Variants in KCNIP4 observed in about 807,000 individuals in gnomAD.
The protein encoded by KCNIP4 is potassium voltage-gated channel interacting protein 4, also known as Kv channel-interacting protein 4.
Under a neutral mutation model 34.0 loss-of-function variants are expected in KCNIP4, and 12 were observed. That is an observed-to-expected ratio of 0.35 (90% CI 0.23 to 0.57). KCNIP4 has a LOEUF of 0.57. Among genes scored for constraint, KCNIP4 ranks in the 20% least tolerant of loss-of-function variants. The pLI is 0.83. For missense variants in KCNIP4, 238 were observed against 311.7 expected (o/e 0.76, Z 1.78); for synonymous variants, 124 against 102.2 (o/e 1.21, Z -1.29).
At chr4:21,061,810 T>C (rs573203455) in intron 1 of KCNIP4, among the ~76,000 whole-genome samples, 1 of 152,216 alleles carries the variant, frequency 6.6e-6, no homozygotes, top group East Asian at 1.9e-4. Context: ...CTTTTAAAAA[T>C]GTAATTAAGT....
At chr4:21,208,504 T>C (rs780136336) in intron 1 of KCNIP4, among the ~76,000 whole-genome samples, 14 of 152,208 alleles carry the variant, frequency 9.2e-5, no homozygotes, top group Non-Finnish European at 1.9e-4. Flanking sequence ...TCTTCTAACA[T>C]GCTTCAACCA....
chr4:21,760,797 C>T (rs1311599358), intron 1 of KCNIP4, among the ~76,000 whole-genome samples: 1 of 152,130 alleles, frequency 6.6e-6, no homozygotes. Context: ...ACAGAATGGT[C>T]ATGGATGCCA....
At chr4:21,498,605 T>G (rs193096502) in intron 1 of KCNIP4, among the ~76,000 whole-genome samples, 1 of 152,308 alleles carries the variant, frequency 6.6e-6, no homozygotes, top group Admixed American at 6.5e-5. Context: ...CCAGCTCAGC[T>G]GGGGGAAAAT....
chr4:21,862,258 A>G (rs73256595), intron 1 of KCNIP4, among the ~76,000 whole-genome samples: 54,537 of 152,062 alleles, frequency 0.36, 11,462 homozygotes, highest in Non-Finnish European at 0.49. Flanking sequence ...CTTAGTGTCC[A>G]TCCATAGGCA....
At chr4:21,093,709 A>G (rs1295516446) in intron 1 of KCNIP4, among the ~76,000 whole-genome samples, 1 of 152,184 alleles carries the variant, frequency 6.6e-6, no homozygotes, top group Non-Finnish European at 1.5e-5. Flanking sequence ...AAAAATAACC[A>G]TTAGCTATAA....
chr4:20,918,970 G>A (rs1394083846), intron 1 of KCNIP4, among the ~76,000 whole-genome samples: 2 of 152,238 alleles, frequency 1.3e-5, no homozygotes, highest in Admixed American at 1.3e-4. Flanking sequence ...ATACCAAAGG[G>A]GCCTTTAGGC....
At chr4:21,009,355 C>G (rs962921746) in intron 1 of KCNIP4, among the ~76,000 whole-genome samples, 1 of 152,214 alleles carries the variant, frequency 6.6e-6, no homozygotes, top group African/African-American at 2.4e-5. Flanking sequence ...ACCCTGGGTT[C>G]AGAGCCTCCA....
intron 5 of KCNIP4, among the ~76,000 whole-genome samples, chr4:20,745,055 G>A (rs985760504): frequency 4.6e-5 from 7 of 152,066 alleles, no homozygotes; most frequent in African/African-American, 1.7e-4. Context: ...TGCTAGGAAT[G>A]GTAGGACAGA....
At position 21,580,213 on chromosome 4, in the gene KCNIP4, C is replaced by T. The variant is rs184092606; in HGVS notation, c.61+368358G>A. 2.6e-4 allele frequency among the ~76,000 whole-genome samples: 39 copies of T among 152,154 alleles called. 1 individual carries two copies. Among genetic ancestry groups the T allele is most frequent in the Admixed American group, 1.9e-3 (29 of 15,278 alleles). ...GGAATGAATCTTTACTGAGCCATGA[C>T]CTTGAGCCAGAGACTCTTTTAGGCC... On this transcript the variant is annotated intron_variant, in intron 1 of 8. Coordinates refer to ENST00000382152, the MANE Select transcript of KCNIP4 (RefSeq NM_025221.6).
chr4:20,939,782 C>A (rs185079531), intron 1 of KCNIP4, among the ~76,000 whole-genome samples: 5 of 152,234 alleles, frequency 3.3e-5, no homozygotes, highest in African/African-American at 1.2e-4. Flanking sequence ...TTGGACCATC[C>A]GCAACCAGGC....
At chr4:21,516,588 T>A (rs1338935471) in intron 1 of KCNIP4, among the ~76,000 whole-genome samples, 1 of 152,120 alleles carries the variant, frequency 6.6e-6, no homozygotes, top group Non-Finnish European at 1.5e-5. Context: ...ATCAGTTTCT[T>A]CTCCTGTAGA....
chr4:20,812,842 T>C (rs968540674), intron 3 of KCNIP4, among the ~76,000 whole-genome samples: 1 of 151,984 alleles, frequency 6.6e-6, no homozygotes, highest in African/African-American at 2.4e-5. Flanking sequence ...ATACTAAGGA[T>C]AGGGGAGGAG....
intron 1 of KCNIP4, among the ~76,000 whole-genome samples, chr4:20,995,588 G>T (rs376747033): frequency 1.3e-5 from 2 of 152,098 alleles, no homozygotes; most frequent in Non-Finnish European, 2.9e-5. Flanking sequence ...TTGCCTCTCT[G>T]GTTTCAAAGA....
At chr4:21,235,493 A>G (rs1759291466) in intron 1 of KCNIP4, among the ~76,000 whole-genome samples, 1 of 152,122 alleles carries the variant, frequency 6.6e-6, no homozygotes, top group Non-Finnish European at 1.5e-5. Context: ...TTCTCCCCAG[A>G]TATCCATGAC....
rs1171975546 is a variant in KCNIP4, at chr4:21,757,656, A to C, written c.61+190915T>G. 5.9e-5 allele frequency among the ~76,000 whole-genome samples: 9 copies of C among 152,352 alleles called. 1 individual carries two copies. The East Asian group carries it at 1.7e-3, about 29-fold the overall frequency. ...TATTCTGGCTTTACCAATTTCTAGC[A>C]ACAAAAATATCATTTATTTGAACTT... is the stretch of plus-strand genomic sequence containing the variant. On this transcript the variant is annotated intron_variant, in intron 1 of 8. Coordinates refer to ENST00000382152, the MANE Select transcript of KCNIP4 (RefSeq NM_025221.6).
intron 1 of KCNIP4, among the ~76,000 whole-genome samples, chr4:21,525,137 C>A (rs1439813238): frequency 6.6e-6 from 1 of 152,038 alleles, no homozygotes; most frequent in Non-Finnish European, 1.5e-5. Context: ...GCAATTTAAC[C>A]AAAAATATCT....
chr4:21,043,330 CTGTT>C (rs769783761), intron 1 of KCNIP4, among the ~76,000 whole-genome samples: 48 of 151,894 alleles, frequency 3.2e-4, no homozygotes, highest in Non-Finnish European at 5.0e-4. Context: ...TTTGTTTTTT[CTGTT>C]TGTTTGTTTG....
At chr4:21,588,512 G>A (rs910696251) in intron 1 of KCNIP4, among the ~76,000 whole-genome samples, 1 of 152,068 alleles carries the variant, frequency 6.6e-6, no homozygotes, top group South Asian at 2.1e-4. Context: ...CATCAGGATT[G>A]TAACCCTAAG....
At chr4:21,069,546 G>T (rs1204625123) in intron 1 of KCNIP4, among the ~76,000 whole-genome samples, 1 of 152,148 alleles carries the variant, frequency 6.6e-6, no homozygotes, top group Non-Finnish European at 1.5e-5. Flanking sequence ...CGGAGAAGAG[G>T]CCTGTGAAGG....
Sources: gnomAD v4.1 joint callset for allele counts (sites outside exome capture counted in the v4.1 genomes callset) on GRCh38, gnomAD v4.1.1 for gene constraint, MANE v1.5 for transcripts, NCBI Gene and HGNC (gene_info 2026-07-23, HGNC 2026-07-21) for gene names.